Variants in ANKS1B observed in about 807,000 individuals in gnomAD.
The protein encoded by ANKS1B is ankyrin repeat and sterile alpha motif domain containing 1B, also known as ankyrin repeat and sterile alpha motif domain-containing protein 1B.
In ANKS1B, 36 loss-of-function variants were observed where a neutral mutation model predicts 148.3. That is an observed-to-expected ratio of 0.24 (90% confidence interval 0.19 to 0.32). The LOEUF (loss-of-function observed/expected upper bound fraction) is 0.32. ANKS1B is among the 10% of genes least tolerant of loss of function. The pLI, the probability that ANKS1B is intolerant of heterozygous loss-of-function variation, is 1.00. For missense variants in ANKS1B, 1,157 were observed against 1,542.6 expected (o/e 0.75, Z 4.19); for synonymous variants, 542 against 560.8 (o/e 0.97, Z 0.47).
In ANKS1B at chr12:99,062,784, G is replaced by T. The variant is rs554142293; in HGVS notation, c.2626-9475C>A. Among the ~76,000 whole-genome samples, 119 of 152,290 alleles carry T rather than the reference G, an allele frequency of 7.8e-4. 1 individual carries two copies. Among genetic ancestry groups the T allele is most frequent in the African/African-American group, 2.8e-3 (116 of 41,558 alleles). On this transcript the variant is annotated intron_variant, in intron 16 of 26. Transcript: ENST00000683438. ...GGACTCAGGGTTGAGAAGGGTCAGA[G>T]TCATAAAACAGTTAAGTTCCAGGGT...
chr12:98,972,117 A>G (rs12300135), intron 17 of ANKS1B, among the ~76,000 whole-genome samples: 27,601 of 152,182 alleles, frequency 0.18, 2,691 homozygotes, highest in African/African-American at 0.23. Flanking sequence ...GCAGTGAGCC[A>G]AGATTGTGCC....
chr12:98,871,895 T>C (rs1015518787), intron 17 of ANKS1B, among the ~76,000 whole-genome samples: 20 of 152,216 alleles, frequency 1.3e-4, no homozygotes, highest in African/African-American at 4.8e-4. Context: ...CACTGTCACA[T>C]GTCCCAGGCC....
chr12:99,625,401 A>T (rs183319136), intron 9 of ANKS1B, among the ~76,000 whole-genome samples: 3 of 152,110 alleles, frequency 2.0e-5, no homozygotes, highest in Admixed American at 6.5e-5. Context: ...TAGAAATTTT[A>T]AAAAAACTGT....
chr12:99,245,964 G>A (rs1029704623), intron 13 of ANKS1B, among the ~76,000 whole-genome samples: 6 of 152,064 alleles, frequency 3.9e-5, no homozygotes, highest in Admixed American at 1.3e-4. Flanking sequence ...GCTTTTTCTC[G>A]ATTTGTCAGC....
chr12:99,841,265 A>C (rs1479248543), intron 1 of ANKS1B, among the ~76,000 whole-genome samples: 2 of 151,988 alleles, frequency 1.3e-5, no homozygotes, highest in Non-Finnish European at 2.9e-5. Flanking sequence ...TGGTTTGTTA[A>C]ATTTATTTAG....
At chr12:99,461,196 T>C (rs764083145) in intron 10 of ANKS1B, among the ~76,000 whole-genome samples, 1 of 152,074 alleles carries the variant, frequency 6.6e-6, no homozygotes, top group Admixed American at 6.6e-5. Context: ...ACCAAACATA[T>C]GTTCTCACTC....
intron 12 of ANKS1B, among the ~76,000 whole-genome samples, chr12:99,372,422 T>C (rs943263403): frequency 6.6e-6 from 1 of 152,172 alleles, no homozygotes; most frequent in African/African-American, 2.4e-5. Flanking sequence ...GTGTTTCTTA[T>C]GATTCGTTTG....
intron 21 of ANKS1B, among the ~76,000 whole-genome samples, chr12:98,799,709 A>G (rs2098984145): frequency 6.6e-6 from 1 of 152,098 alleles, no homozygotes; most frequent in South Asian, 2.1e-4. Flanking sequence ...CTGGTACAAA[A>G]TGCCCCTCGT....
rs373020784 is a variant in ANKS1B at position 98,865,684 on chromosome 12, T to C, written c.2779-33548A>G. 3.7e-4 allele frequency among the ~76,000 whole-genome samples: 56 copies of C among 151,962 alleles called. No individual in the cohort carries two copies. In the East Asian group the frequency reaches 5.1e-3, roughly 14 times the overall value. On this transcript the variant is annotated intron_variant, in intron 17 of 26. Transcript: ENST00000683438. ...GTGGAGTGTGCAGTGTTAAACATGG[T>C]GGTCAGGATATGCTTCAATGAGAAG...
intron 14 of ANKS1B, among the ~76,000 whole-genome samples, chr12:99,190,964 C>A (rs757373726): frequency 6.6e-6 from 1 of 151,652 alleles, no homozygotes; most frequent in Non-Finnish European, 1.5e-5. Context: ...CAGCTAATAT[C>A]CAGAAACTAC....
At chr12:99,792,961 G>A (rs901479518) in intron 4 of ANKS1B, among the ~76,000 whole-genome samples, 3 of 151,822 alleles carry the variant, frequency 2.0e-5, no homozygotes, top group African/African-American at 7.2e-5. Flanking sequence ...AGACTCCACT[G>A]AAAAACTATT....
chr12:99,805,286 A>AAAAAAAAAAAAAAAAAAAAC (rs2067489354), intron 4 of ANKS1B, among the ~76,000 whole-genome samples: 1 of 149,214 alleles, frequency 6.7e-6, no homozygotes, highest in Non-Finnish European at 1.5e-5. Flanking sequence ...AAAAAAAAAA[A>AAAAAAAAAAAAAAAAAAAAC]AAGACTAACC....
At chr12:99,113,613 T>C (rs1486081597) in intron 15 of ANKS1B, among the ~76,000 whole-genome samples, 1 of 152,224 alleles carries the variant, frequency 6.6e-6, no homozygotes, top group Non-Finnish European at 1.5e-5. Flanking sequence ...TATGTCTCTT[T>C]CCACATCATA....
Position 99,825,287 on chromosome 12 carries a change from C to T in ANKS1B, c.215+22G>A, listed in dbSNP as rs757538836. On this transcript the variant is annotated intron_variant, in intron 2 of 26. Transcript: ENST00000683438. ...ACATGTAACTAAATACACACGATTC[C>T]GTCCAAATAAGTGGCACTTACTTAT... 1.2e-5 allele frequency: 19 copies of T among 1,590,794 alleles called. No homozygotes were observed. In the African/African-American group the frequency reaches 1.2e-4, roughly 10 times the overall value.
At chr12:99,915,984 TAAG>T (rs1252899264) in intron 1 of ANKS1B, among the ~76,000 whole-genome samples, 1 of 152,202 alleles carries the variant, frequency 6.6e-6, no homozygotes, top group Non-Finnish European at 1.5e-5. Context: ...TTCTTTTTGA[TAAG>T]AATACCAGCC....
chr12:99,089,694 T>TTA (rs1173528394), intron 15 of ANKS1B, among the ~76,000 whole-genome samples: 6 of 152,182 alleles, frequency 3.9e-5, no homozygotes, highest in Non-Finnish European at 8.8e-5. Flanking sequence ...TTTAGGATCT[T>TTA]TAGCAAATTC....
chr12:99,324,640 T>C (rs963871603), intron 12 of ANKS1B, among the ~76,000 whole-genome samples: 2 of 152,170 alleles, frequency 1.3e-5, no homozygotes, highest in Admixed American at 6.6e-5. Flanking sequence ...TTATGAACAA[T>C]GCAGAAGTCA....
intron 14 of ANKS1B, among the ~76,000 whole-genome samples, chr12:99,182,723 T>C (rs2079271211): frequency 2.0e-5 from 3 of 152,194 alleles, no homozygotes; most frequent in Admixed American, 2.0e-4. Flanking sequence ...TTTAGTTTTT[T>C]CAGGAACCTC....
Position 98,751,300 on chromosome 12 carries a change from G to T in ANKS1B, c.3747+55C>A. ...ACACCACACAAGGGCCTGGTTAGCAGCCCCTTTTCCTCCTGTTCAAGGTTT... is the reference window on the plus strand; with the variant it reads ...ACACCACACAAGGGCCTGGTTAGCATCCCCTTTTCCTCCTGTTCAAGGTTT... On this transcript the variant is annotated intron_variant, in intron 26 of 26. Coordinates refer to ENST00000683438, the MANE Select transcript of ANKS1B (RefSeq NM_001352186.2). This position sits in a 1 kb window ranked among gnomAD's most constrained non-coding sequence, Gnocchi z 4.3. 1 of 1,570,330 alleles carries T rather than the reference G, an allele frequency of 6.4e-7. No individual in the cohort carries two copies. The highest frequency in any genetic ancestry group is 2.3e-5 in the East Asian group (1 of 44,226).
Sources: allele counts gnomAD v4.1 joint callset (sites outside exome capture counted in the v4.1 genomes callset), GRCh38; gene constraint gnomAD v4.1.1; non-coding constraint Gnocchi (gnomAD v3.1); transcripts MANE v1.5; gene names NCBI Gene and HGNC (gene_info 2026-07-23, HGNC 2026-07-21).